Variants in CALN1 observed in about 807,000 individuals in gnomAD.
CALN1 encodes the protein calcium-binding protein 8.
Under a neutral mutation model 30.6 loss-of-function variants are expected in CALN1, and 17 were observed. The observed-to-expected ratio is 0.56, with a 90% CI of 0.38 to 0.83. The LOEUF (loss-of-function observed/expected upper bound fraction) is 0.83. Ranked by LOEUF, CALN1 falls within the 40% of genes least tolerant of loss-of-function variation. CALN1 has a pLI of 0.00. For missense variants in CALN1, 291 were observed against 354.9 expected (o/e 0.82, Z 1.45); for synonymous variants, 156 against 131.4 (o/e 1.19, Z -1.28).
chr7:71,811,622 A>G (rs1385440250), intron 5 of CALN1, among the ~76,000 whole-genome samples: 1 of 151,476 alleles, frequency 6.6e-6, no homozygotes, highest in Non-Finnish European at 1.5e-5. Context: ...CCGAGAGAGG[A>G]CTGTACTTTT....
At chr7:71,959,346 C>T (rs1351505288) in intron 5 of CALN1, among the ~76,000 whole-genome samples, 2 of 152,118 alleles carry the variant, frequency 1.3e-5, no homozygotes, top group African/African-American at 2.4e-5. Context: ...TCTTGGAGAT[C>T]GCAAACACAG....
Position 71,956,517 on chromosome 7 carries a change from G to A in CALN1, c.501+67140C>T, listed in dbSNP as rs924175616. On this transcript the variant is annotated intron_variant, in intron 5 of 6. Transcript: ENST00000395275. ...TTTTTTTTTTTTTTAAACAGAGGGAGGGTGTCGTTATGTTGCCCAGGCTGA... is the reference window on the plus strand; with the variant it reads ...TTTTTTTTTTTTTTAAACAGAGGGAAGGTGTCGTTATGTTGCCCAGGCTGA... Among the ~76,000 whole-genome samples the A allele has an allele frequency of 6.2e-5, 9 of 145,578 alleles. No homozygotes were observed. In the East Asian group the frequency reaches 1.6e-3, roughly 26 times the overall value.
chr7:72,162,265 G>A (rs911290395), intron 3 of CALN1, among the ~76,000 whole-genome samples: 5 of 151,978 alleles, frequency 3.3e-5, no homozygotes, highest in Non-Finnish European at 7.4e-5. Flanking sequence ...ACAATTGTTG[G>A]CAGAAAGTAT....
At chr7:72,305,933 T>A (rs1294072952) in intron 2 of CALN1, among the ~76,000 whole-genome samples, 1 of 152,112 alleles carries the variant, frequency 6.6e-6, no homozygotes, top group African/African-American at 2.4e-5. Flanking sequence ...GTATCTCTAC[T>A]TATAAGGGCA....
chr7:72,325,659 A>G (rs553748299), intron 2 of CALN1, among the ~76,000 whole-genome samples: 2 of 152,312 alleles, frequency 1.3e-5, no homozygotes, highest in South Asian at 2.1e-4. Context: ...TAAAATAAAA[A>G]TAATGCAGGA....
chr7:72,080,884 G>A (rs551511337), intron 4 of CALN1, among the ~76,000 whole-genome samples: 17 of 152,246 alleles, frequency 1.1e-4, no homozygotes, highest in African/African-American at 3.6e-4. Context: ...ACAGAGAAAG[G>A]ATACTGGAGA....
At chr7:72,374,331 C>G (rs563423963) in intron 2 of CALN1, among the ~76,000 whole-genome samples, 25 of 152,130 alleles carry the variant, frequency 1.6e-4, no homozygotes, top group Non-Finnish European at 3.4e-4. Context: ...GAGCTCAATC[C>G]CAGCCTGGCC....
At chr7:72,426,683 A>G (rs1365948443) in intron 1 of CALN1, among the ~76,000 whole-genome samples, 2 of 152,214 alleles carry the variant, frequency 1.3e-5, no homozygotes, top group Non-Finnish European at 2.9e-5. Context: ...AAACTGATAG[A>G]CAGAGCCAGG....
At chr7:72,180,599 T>C (rs1402496573) in intron 3 of CALN1, among the ~76,000 whole-genome samples, 2 of 124,412 alleles carry the variant, frequency 1.6e-5, no homozygotes, top group South Asian at 2.6e-4. Context: ...CTGTTTATGC[T>C]TTTTTTTCTT....
intron 3 of CALN1, among the ~76,000 whole-genome samples, chr7:72,127,314 T>G (rs1563080915): frequency 6.6e-6 from 1 of 151,514 alleles, no homozygotes; most frequent in Non-Finnish European, 1.5e-5. Flanking sequence ...TGGGTTGGGG[T>G]GGAGTGAGTC....
intron 5 of CALN1, among the ~76,000 whole-genome samples, chr7:71,831,256 G>A (rs559338778): frequency 3.9e-5 from 6 of 152,264 alleles, no homozygotes; most frequent in African/African-American, 1.4e-4. Flanking sequence ...CGAGGCAGGT[G>A]GATCATGAGA....
intron 5 of CALN1, among the ~76,000 whole-genome samples, chr7:71,977,426 C>A (rs1486814404): frequency 1.3e-5 from 2 of 152,062 alleles, no homozygotes; most frequent in African/African-American, 4.8e-5. Flanking sequence ...CACAGCAAGA[C>A]CCTGTTTCAA....
At chr7:71,997,769 A>G (rs1353198982) in intron 5 of CALN1, among the ~76,000 whole-genome samples, 1 of 152,242 alleles carries the variant, frequency 6.6e-6, no homozygotes, top group East Asian at 1.9e-4. Context: ...GTGGCACAAC[A>G]TTCTTCAAGT....
chr7:72,372,869 G>A (rs1015687915), intron 2 of CALN1, among the ~76,000 whole-genome samples: 1 of 152,096 alleles, frequency 6.6e-6, no homozygotes, highest in African/African-American at 2.4e-5. Context: ...AAAATACAAT[G>A]AACCAAGAAA....
intron 2 of CALN1, among the ~76,000 whole-genome samples, chr7:72,291,300 CCT>C (rs1207959365): frequency 2.0e-5 from 3 of 152,152 alleles, no homozygotes; most frequent in Non-Finnish European, 4.4e-5. Flanking sequence ...AGGCACTAAT[CCT>C]CTTTTTGTAC....
the CALN1 span, among the ~76,000 whole-genome samples, chr7:72,487,854 GAGAAAGAAAGAAAGAA>G: frequency 1.6e-4 from 11 of 69,540 alleles, no homozygotes; most frequent in East Asian, 4.5e-3. Flanking sequence ...GAAAAAGAAA[GAGAAAGAAAGAAAGAA>G]AGAAAGAAAG....
At chr7:72,327,951 C>T (rs1801393261) in intron 2 of CALN1, among the ~76,000 whole-genome samples, 3 of 151,984 alleles carry the variant, frequency 2.0e-5, no homozygotes, top group South Asian at 4.1e-4. Flanking sequence ...CTTCTTACAG[C>T]AATACCTCAA....
chr7:72,232,450 C>CAA (rs61226929), intron 3 of CALN1, among the ~76,000 whole-genome samples: 1 of 151,956 alleles, frequency 6.6e-6, no homozygotes, highest in African/African-American at 2.4e-5. Flanking sequence ...AGAAAGCTTT[C>CAA]AAAAAAATTT....
chr7:71,924,912 T>C (rs10950287), intron 5 of CALN1, among the ~76,000 whole-genome samples: 27,572 of 152,208 alleles, frequency 0.18, 2,777 homozygotes, highest in Non-Finnish European at 0.23. Flanking sequence ...TCAATAGAAA[T>C]TGATTTAAAA....
Sources: gnomAD v4.1 joint callset for allele counts (sites outside exome capture counted in the v4.1 genomes callset) on GRCh38, gnomAD v4.1.1 for gene constraint, MANE v1.5 for transcripts, NCBI Gene and HGNC (gene_info 2026-07-23, HGNC 2026-07-21) for gene names.